The following CCDC191 variants were observed in gnomAD, a reference collection of about 807,000 sequenced individuals.
CCDC191 encodes the protein coiled-coil domain-containing protein 191.
In CCDC191, 99 loss-of-function variants were observed where a neutral mutation model predicts 114.0. That is an observed-to-expected ratio of 0.87 (90% confidence interval 0.74 to 1.03). The LOEUF is 1.03. Among genes scored for constraint, CCDC191 ranks in the 50% least tolerant of loss-of-function variants. CCDC191 has a pLI of 0.00. For missense variants in CCDC191, 973 were observed against 1,087.0 expected, an observed-to-expected ratio of 0.90 and a Z score of 1.47; for synonymous variants, 351 against 376.0, an observed-to-expected ratio of 0.93 and a Z score of 0.77.
At chr3:113,988,670 A>G (rs1436991626) in intron 13 of CCDC191, among the ~76,000 whole-genome samples, 2 of 151,930 alleles carry the variant, frequency 1.3e-5, no homozygotes, top group Non-Finnish European at 2.9e-5. Flanking sequence ...CAGTTTTATC[A>G]ATAATCACTT....
At chr3:113,995,291 T>C (rs1406149455) in intron 13 of CCDC191, among the ~76,000 whole-genome samples, 1 of 152,152 alleles carries the variant, frequency 6.6e-6, no homozygotes, top group Non-Finnish European at 1.5e-5. Context: ...CAAAACCGCA[T>C]TTATACCCCC....
At chr3:113,994,386 A>C (rs1201590930) in intron 13 of CCDC191, among the ~76,000 whole-genome samples, 2 of 152,160 alleles carry the variant, frequency 1.3e-5, no homozygotes, top group African/African-American at 4.8e-5. Flanking sequence ...CCTAACTGAC[A>C]ATAACAAATG....
chr3:113,976,326 T>C (rs971487278), intron 16 of CCDC191, among the ~76,000 whole-genome samples: 1 of 148,290 alleles, frequency 6.7e-6, no homozygotes, highest in African/African-American at 2.5e-5. Context: ...ATTAGAAAAA[T>C]GGGGAGGAAG....
chr3:114,021,562 T>C (rs1258735931), intron 7 of CCDC191, among the ~76,000 whole-genome samples: 1 of 152,098 alleles, frequency 6.6e-6, no homozygotes, highest in East Asian at 1.9e-4. Context: ...GAAGAAAATA[T>C]TTGGGAAAGG....
intron 4 of CCDC191, among the ~76,000 whole-genome samples, chr3:114,041,425 A>C (rs1247960474): frequency 3.9e-5 from 6 of 152,198 alleles, no homozygotes; most frequent in Non-Finnish European, 1.5e-5. Context: ...ATAGGGTAAA[A>C]CGTTACTGAA....
At chr3:114,026,863 C>A (rs925045546) in intron 7 of CCDC191, among the ~76,000 whole-genome samples, 1 of 152,104 alleles carries the variant, frequency 6.6e-6, no homozygotes, top group Non-Finnish European at 1.5e-5. Flanking sequence ...AACCTTCCCC[C>A]AAATAATTAA....
chr3:113,966,957 G>A (rs934406115), intron 16 of CCDC191, among the ~76,000 whole-genome samples: 9 of 151,878 alleles, frequency 5.9e-5, no homozygotes, highest in South Asian at 2.1e-4. Context: ...AAATTAGCCC[G>A]GCATGGTGGC....
chr3:114,051,465 C>T (rs887201550), intron 2 of CCDC191, among the ~76,000 whole-genome samples: 11 of 152,186 alleles, frequency 7.2e-5, no homozygotes, highest in African/African-American at 2.4e-4. Flanking sequence ...TGGTGGCTCA[C>T]GCCTGTAATC....
intron 16 of CCDC191, among the ~76,000 whole-genome samples, chr3:113,971,095 T>C (rs1412535089): frequency 6.6e-6 from 1 of 152,176 alleles, no homozygotes; most frequent in African/African-American, 2.4e-5. Context: ...ACGGGATGGG[T>C]GGGTCAAATG....
intron 16 of CCDC191, among the ~76,000 whole-genome samples, chr3:113,971,136 A>G (rs1006065290): frequency 2.0e-5 from 3 of 152,190 alleles, no homozygotes; most frequent in East Asian, 1.9e-4. Context: ...CTGAGGAATC[A>G]CCACACTGAT....
intron 5 of CCDC191, among the ~76,000 whole-genome samples, chr3:114,035,885 A>G (rs2076475805): frequency 6.6e-6 from 1 of 152,110 alleles, no homozygotes; most frequent in East Asian, 1.9e-4. Flanking sequence ...TCATACTTCT[A>G]CTCATTTCTC....
intron 14 of CCDC191, among the ~76,000 whole-genome samples, chr3:113,980,053 C>T (rs997635158): frequency 1.8e-4 from 27 of 152,210 alleles, no homozygotes; most frequent in Non-Finnish European, 3.8e-4. Context: ...TTTCTCTCCT[C>T]AATGACTTTG....
Position 114,054,414 on chromosome 3 carries a change from C to T in CCDC191, c.91-779G>A, listed in dbSNP as rs185077233. 1.9e-3 allele frequency among the ~76,000 whole-genome samples: 296 copies of T among 152,194 alleles called. 1 individual carries two copies. The highest frequency in any genetic ancestry group is 7.0e-3 in the African/African-American group (290 of 41,512). ...TTGGGAGGCCAAGGCGGGCAGATCA[C>T]AAGGTCAAGAGATCAAGACCATCCT... On this transcript the variant is annotated intron_variant, in intron 1 of 16. Transcript: ENST00000295878.
chr3:114,041,601 T>C (rs575700970), intron 4 of CCDC191, among the ~76,000 whole-genome samples: 29 of 152,278 alleles, frequency 1.9e-4, no homozygotes, highest in African/African-American at 6.0e-4. Flanking sequence ...TCTATCTGGG[T>C]TGGCGAGGAG....
intron 14 of CCDC191, among the ~76,000 whole-genome samples, chr3:113,979,296 C>G (rs562654621): frequency 6.6e-6 from 1 of 152,166 alleles, no homozygotes; most frequent in Non-Finnish European, 1.5e-5. Context: ...CTTCACTTCC[C>G]CTGAGTTTTG....
intron 7 of CCDC191, among the ~76,000 whole-genome samples, chr3:114,021,541 T>C (rs2076244132): frequency 6.6e-6 from 1 of 152,124 alleles, no homozygotes; most frequent in Non-Finnish European, 1.5e-5. Flanking sequence ...AGGAGTCCCA[T>C]AAATGTGTTC....
intron 16 of CCDC191, among the ~76,000 whole-genome samples, chr3:113,975,378 A>T (rs1281276461): frequency 6.6e-6 from 1 of 152,160 alleles, no homozygotes; most frequent in Non-Finnish European, 1.5e-5. Context: ...TATTTCATTC[A>T]TATAAAATTG....
At position 114,000,864 on chromosome 3, in the gene CCDC191, GGC is replaced by G. The variant is rs1002877635; in HGVS notation, c.2163+729_2163+730del. The stretch of plus-strand genomic sequence containing the variant: ...AGGCAGGGTCTTAACATCTTGCCCA[GGC>G]TAGTCTCAAACTCCTGGGCTCAAGC... On this transcript the variant is annotated intron_variant, in intron 13 of 16. Transcript: ENST00000295878. Among the ~76,000 whole-genome samples the G allele has an allele frequency of 5.5e-4, 84 of 151,710 alleles. 1 individual carries two copies. Among genetic ancestry groups the G allele is most frequent in the African/African-American group, 2.0e-3 (81 of 41,350 alleles).
chr3:113,970,559 A>G (rs937723010), intron 16 of CCDC191, among the ~76,000 whole-genome samples: 3 of 152,108 alleles, frequency 2.0e-5, no homozygotes, highest in Non-Finnish European at 2.9e-5. Context: ...GGTCCTGGCC[A>G]GGATGTTGAT....
Sources: allele counts gnomAD v4.1 joint callset (sites outside exome capture counted in the v4.1 genomes callset), GRCh38; gene constraint gnomAD v4.1.1; transcripts MANE v1.5; gene names NCBI Gene and HGNC (gene_info 2026-07-23, HGNC 2026-07-21).